Variants in CAPN3 observed in about 807,000 individuals in gnomAD.
The protein encoded by CAPN3 is calpain-3.
In CAPN3, 88 loss-of-function variants were observed where a neutral mutation model predicts 114.0. That is an observed-to-expected ratio of 0.77 (90% CI 0.65 to 0.92). The LOEUF (loss-of-function observed/expected upper bound fraction) is 0.92. CAPN3 is among the 40% of genes least tolerant of loss of function. The pLI is 0.00. For synonymous variants in CAPN3, 386 were observed against 382.9 expected, an observed-to-expected ratio of 1.01 and a Z score of -0.09; for missense variants, 1,028 against 1,069.0, an observed-to-expected ratio of 0.96 and a Z score of 0.53.
chr15:42,379,759 C>T (rs1395558071), intron 1 of CAPN3, among the ~76,000 whole-genome samples: 1 of 152,150 alleles, frequency 6.6e-6, no homozygotes, highest in Non-Finnish European at 1.5e-5. Flanking sequence ...AATACAACTC[C>T]AACTTTCTTT....
In CAPN3 at chr15:42,402,135, G is replaced by A; in HGVS notation, c.1536G>A (p.Glu512=). The A allele has an allele frequency of 6.2e-7, 1 of 1,614,096 alleles. No individual in the cohort carries two copies. The highest frequency in any genetic ancestry group is 8.5e-7 in the Non-Finnish European group (1 of 1,180,026). Residue 512 remains glutamate, a splice_region_variant and synonymous_variant, in exon 12 of 24, where the codon GAG becomes GAA. Transcript: ENST00000397163. ...TGTTTCTTCTCAAGGTTCCCAAAGA[G>A]GTATAGCAGCAGCAGCGGCCAGCAG... ...IGFAIYEVPK[E]MHGNKQHLQK... is the part of the protein sequence containing the mutation.
At chr15:42,410,182 G>A (rs373066163) in intron 19 of CAPN3, among the ~76,000 whole-genome samples, 187 bp downstream of exon 19, 1 of 152,146 alleles carries the variant, frequency 6.6e-6, no homozygotes, top group African/African-American at 2.4e-5. Context: ...GAGGATGTTG[G>A]GTTGTAACTG....
At chr15:42,372,620 G>C (rs575296765) in intron 1 of CAPN3, among the ~76,000 whole-genome samples, 2 of 152,270 alleles carry the variant, frequency 1.3e-5, no homozygotes, top group African/African-American at 4.8e-5. Flanking sequence ...GGCCGAAGCA[G>C]GCGGATTACC....
chr15:42,389,949 T>A lies in CAPN3; in HGVS notation c.802-4T>A, dbSNP rs2053509754. The A allele has an allele frequency of 6.2e-7, 1 of 1,613,932 alleles. No homozygotes were observed. The highest frequency in any genetic ancestry group is 1.7e-5 in the Admixed American group (1 of 59,982). On this transcript the variant is annotated splice_polypyrimidine_tract_variant and splice_region_variant and intron_variant, in intron 5 of 23. Coordinates refer to ENST00000397163, the MANE Select transcript of CAPN3 (RefSeq NM_000070.3). ...TGTTCCCTACATTCTCCATCGGGCCTCAGGATGGCACGAACATGACCTATG... is the reference window on the plus strand; with the variant it reads ...TGTTCCCTACATTCTCCATCGGGCCACAGGATGGCACGAACATGACCTATG...
chr15:42,403,534 A>G (rs938750083), intron 13 of CAPN3, among the ~76,000 whole-genome samples: 8 of 152,130 alleles, frequency 5.3e-5, no homozygotes, highest in Admixed American at 4.6e-4. Context: ...GCTCTGAGCA[A>G]TACTAACAAG....
At position 42,372,853 on chromosome 15, in the gene CAPN3, C is replaced by CA. The variant is rs541536065; in HGVS notation, c.310-11623dup. Among the ~76,000 whole-genome samples, 156 of 147,548 alleles carry CA rather than the reference C, an allele frequency of 1.1e-3. 6 individuals are homozygous for CA. In the South Asian group the frequency reaches 0.031, roughly 29 times the overall value. ...ACAGAGGGACACTCCATCTCAACAA[C>CA]AAAAAAATTATTTTAAGCTATTATT... On this transcript the variant is annotated intron_variant, in intron 1 of 23. Coordinates refer to ENST00000397163, the MANE Select transcript of CAPN3 (RefSeq NM_000070.3).
At chr15:42,392,495 C>A in intron 6 of CAPN3, 144 bp from the exon 7 acceptor site, 2 of 680,212 alleles carry the variant, frequency 2.9e-6, no homozygotes, top group Admixed American at 4.1e-5. Flanking sequence ...AAGGTCCGTT[C>A]GTGGTCGTGA....
chr15:42,410,295 G>A lies in CAPN3; in HGVS notation c.2116-133G>A, dbSNP rs1481503086. On this transcript the variant is annotated intron_variant, in intron 19 of 23. Transcript: ENST00000397163. ...ACAGAGTAGGCGCAATCTCTGACTG[G>A]TGGTGGAGTGGAGGGGAGGGTTAAA... The A allele has an allele frequency of 3.4e-6, 3 of 871,168 alleles. No individual in the cohort carries two copies. The African/African-American group carries it at 4.9e-5, about 14-fold the overall frequency. 54.0% of individuals were successfully genotyped at this position (871,168 alleles called of 1,614,324 possible).
At chr15:42,410,107 T>A in intron 19 of CAPN3, 112 bp downstream of exon 19, 3 of 953,724 alleles carry the variant, frequency 3.1e-6, no homozygotes, top group Non-Finnish European at 5.1e-6. Flanking sequence ...CAGGGAAACT[T>A]AAGGAGACCC....
At chr15:42,395,124 T>C (rs936690957) in intron 8 of CAPN3, among the ~76,000 whole-genome samples, 1 of 152,192 alleles carries the variant, frequency 6.6e-6, no homozygotes, top group Non-Finnish European at 1.5e-5. Flanking sequence ...TACTGGTTCG[T>C]TCAGTCATTC....
At chr15:42,375,083 G>A (rs1026792838) in intron 1 of CAPN3, among the ~76,000 whole-genome samples, 1 of 150,458 alleles carries the variant, frequency 6.6e-6, no homozygotes. Context: ...CAAACCCCTC[G>A]GCTCAAGCAA....
chr15:42,411,619 G>T (rs1170494319), intron 23 of CAPN3, 128 bp from the exon 24 acceptor site: 3 of 766,922 alleles, frequency 3.9e-6, no homozygotes, highest in Non-Finnish European at 7.1e-6. Context: ...ACTGCTTCTT[G>T]GAAAATCTTC....
At position 42,387,831 on chromosome 15, in the gene CAPN3, A is replaced by G; in HGVS notation, c.577A>G (p.Lys193Glu). 6.2e-7 allele frequency: 1 copy of G among 1,614,212 alleles called. No individual in the cohort carries two copies. Among genetic ancestry groups the G allele is most frequent in the Non-Finnish European group, 8.5e-7 (1 of 1,180,036 alleles). ...PTYNNQLVFT[K>E]SNHRNEFWSA... ...GTACAACAATCAACTGGTTTTCACC[A>G]AGTCCAACCACCGCAATGAGTTCTG... is the stretch of plus-strand genomic sequence containing the variant. The change falls in exon 4 of 24, where the codon AAG (lysine) becomes GAG (glutamate). Residue 193 changes from lysine (K) to glutamate (E), a missense_variant. Transcript: ENST00000397163.
At chr15:42,401,483 C>CT (rs1311074595) in intron 10 of CAPN3, among the ~76,000 whole-genome samples, 158 bp from the exon 11 acceptor site, 3 of 133,790 alleles carry the variant, frequency 2.2e-5, no homozygotes, top group Non-Finnish European at 4.9e-5. Context: ...GCCCCCCCCC[C>CT]CCCCAAATCA....
At chr15:42,381,697 G>C (rs1190700769) in intron 1 of CAPN3, among the ~76,000 whole-genome samples, 1 of 152,050 alleles carries the variant, frequency 6.6e-6, no homozygotes. Context: ...GAGCCACCAT[G>C]CCTGGCTAAT....
chr15:42,383,069 C>A (rs1325364732), intron 1 of CAPN3, among the ~76,000 whole-genome samples: 1 of 152,204 alleles, frequency 6.6e-6, no homozygotes, highest in East Asian at 1.9e-4. Context: ...TTTGGTTTAT[C>A]CTTCCATTCC....
At chr15:42,377,093 T>C (rs1321256648) in intron 1 of CAPN3, among the ~76,000 whole-genome samples, 1 of 152,206 alleles carries the variant, frequency 6.6e-6, no homozygotes, top group African/African-American at 2.4e-5. Context: ...ATTTTCTACA[T>C]AGACAATTGT....
intron 16 of CAPN3, 147 bp downstream of exon 16, chr15:42,408,471 C>T: frequency 1.5e-6 from 1 of 654,692 alleles, no homozygotes; most frequent in Non-Finnish European, 2.9e-6. Context: ...TTTCTTTCAG[C>T]AAGTTCCCCT....
At chr15:42,384,069 A>G (rs1031736314) in intron 1 of CAPN3, among the ~76,000 whole-genome samples, 1 of 152,146 alleles carries the variant, frequency 6.6e-6, no homozygotes, top group African/African-American at 2.4e-5. Flanking sequence ...TTCCCTTCAC[A>G]GGGCCAAATG....
Sources: gnomAD v4.1 joint callset for allele counts (sites outside exome capture counted in the v4.1 genomes callset) on GRCh38, gnomAD v4.1.1 for gene constraint, MANE v1.5 for transcripts, NCBI Gene and HGNC (gene_info 2026-07-23, HGNC 2026-07-21) for gene names.